Variants in PCDH11X observed in about 807,000 individuals in gnomAD.
The protein encoded by PCDH11X is protocadherin 11 X-linked.
Under a neutral mutation model 53.3 loss-of-function variants are expected in PCDH11X, and 18 were observed. The observed-to-expected ratio is 0.34, with a 90% confidence interval of 0.23 to 0.50. The LOEUF (loss-of-function observed/expected upper bound fraction) is 0.50. Among genes scored for constraint, PCDH11X ranks in the 20% least tolerant of loss-of-function variants. The pLI, the probability that PCDH11X is intolerant of heterozygous loss-of-function variation, is 0.98. For missense variants in PCDH11X, 570 were observed against 1,032.4 expected, an observed-to-expected ratio of 0.55 and a Z score of 6.14; for synonymous variants, 279 against 393.3, an observed-to-expected ratio of 0.71 and a Z score of 3.44.
chrX:92,167,719 A>G (rs1265160923), intron 6 of PCDH11X, among the ~76,000 whole-genome samples: 1 of 111,597 alleles, frequency 9.0e-6, no homozygotes, highest in Non-Finnish European at 1.9e-5. Context: ...CTGGCCATGA[A>G]TTTTCTTCTT....
intron 6 of PCDH11X, among the ~76,000 whole-genome samples, chrX:92,116,287 T>C (rs1472875222): frequency 4.1e-4 from 46 of 112,265 alleles, no homozygotes; most frequent in Non-Finnish European, 7.3e-4. Flanking sequence ...ATAATATTTA[T>C]TTAATTCAAA....
chrX:92,258,647 G>A (rs919347910), intron 7 of PCDH11X, among the ~76,000 whole-genome samples: 2 of 111,787 alleles, frequency 1.8e-5, no homozygotes, highest in Non-Finnish European at 3.8e-5. Flanking sequence ...GATTACAGGC[G>A]TGAGCCACTG....
chrX:91,996,023 A>T (rs1400193159), intron 6 of PCDH11X, among the ~76,000 whole-genome samples: 1 of 103,097 alleles, frequency 9.7e-6, no homozygotes, highest in Non-Finnish European at 2.0e-5. Flanking sequence ...TGTATTTTTT[A>T]GTAGAGACGG....
chrX:92,104,883 C>T (rs1602934699), intron 6 of PCDH11X, among the ~76,000 whole-genome samples: 2 of 109,987 alleles, frequency 1.8e-5, no homozygotes, highest in African/African-American at 6.6e-5. Context: ...TGGAAATAAG[C>T]GATTGGGGGG....
At chrX:91,987,736 T>G (rs936770215) in intron 6 of PCDH11X, among the ~76,000 whole-genome samples, 3 of 110,835 alleles carry the variant, frequency 2.7e-5, no homozygotes, top group Non-Finnish European at 5.7e-5. Flanking sequence ...ACAAAATGTT[T>G]GAAACAAGTA....
At chrX:92,326,049 C>T (rs2069322444) in intron 8 of PCDH11X, among the ~76,000 whole-genome samples, 1 of 112,011 alleles carries the variant, frequency 8.9e-6, no homozygotes, top group Non-Finnish European at 1.9e-5. Flanking sequence ...CACTCTAAAA[C>T]TTAGTGGTTT....
chrX:92,168,472 T>C (rs763923902), intron 6 of PCDH11X, among the ~76,000 whole-genome samples: 79 of 109,218 alleles, frequency 7.2e-4, no homozygotes, highest in African/African-American at 2.6e-3. Flanking sequence ...GTGGAAGAAT[T>C]AATGAAGCCC....
At chrX:92,061,531 C>T (rs2063524343) in intron 6 of PCDH11X, among the ~76,000 whole-genome samples, 1 of 107,214 alleles carries the variant, frequency 9.3e-6, no homozygotes, top group South Asian at 3.9e-4. Flanking sequence ...GGGTCCAGTT[C>T]CGGCACCATT....
chrX:91,837,121 C>T (rs937626133), intron 5 of PCDH11X, among the ~76,000 whole-genome samples: 2 of 106,369 alleles, frequency 1.9e-5, no homozygotes, highest in African/African-American at 6.9e-5. Context: ...TATATATCAT[C>T]TGAAGGTTTT....
chrX:92,477,776 C>T (rs756052914), intron 10 of PCDH11X, among the ~76,000 whole-genome samples: 3 of 105,241 alleles, frequency 2.9e-5, no homozygotes, highest in African/African-American at 1.0e-4. Context: ...TATTGCTGGT[C>T]ATTAATCTTC....
At chrX:92,208,541 T>A (rs1394093676) in intron 7 of PCDH11X, among the ~76,000 whole-genome samples, 17 of 22,625 alleles carry the variant, frequency 7.5e-4, no homozygotes, top group Non-Finnish European at 1.0e-3. Flanking sequence ...ATATATACAA[T>A]TTTTTTTAAA....
chrX:92,568,986 C>A (rs1330076516), intron 10 of PCDH11X, among the ~76,000 whole-genome samples: 1 of 111,709 alleles, frequency 9.0e-6, no homozygotes, highest in Non-Finnish European at 1.9e-5. Context: ...GATAATGGAA[C>A]CTTTCCCTCA....
chrX:92,409,650 C>G (rs1397718715), intron 9 of PCDH11X, among the ~76,000 whole-genome samples: 4 of 111,851 alleles, frequency 3.6e-5, no homozygotes, highest in African/African-American at 1.3e-4. Flanking sequence ...CAATTTCAAA[C>G]CTTGTGGTTT....
At chrX:91,950,786 C>T (rs2524693) in intron 6 of PCDH11X, among the ~76,000 whole-genome samples, 4 of 109,573 alleles carry the variant, frequency 3.7e-5, no homozygotes, top group Admixed American at 9.8e-5. Context: ...GATCATTGTC[C>T]GCTTTGTTCC....
At chrX:92,048,352 G>A (rs1210694898) in intron 6 of PCDH11X, among the ~76,000 whole-genome samples, 2 of 109,723 alleles carry the variant, frequency 1.8e-5, no homozygotes, top group Admixed American at 9.9e-5. Flanking sequence ...ACTTTGAGAC[G>A]AAAGAACTTC....
chrX:92,316,199 A>C (rs1278418950), intron 8 of PCDH11X, among the ~76,000 whole-genome samples: 1 of 106,877 alleles, frequency 9.4e-6, no homozygotes, highest in African/African-American at 3.4e-5. Flanking sequence ...TGTAGGAGAA[A>C]GGCAAATAAA....
intron 1 of PCDH11X, among the ~76,000 whole-genome samples, chrX:91,800,210 G>A (rs1935885166): frequency 9.1e-6 from 1 of 109,741 alleles, no homozygotes; most frequent in South Asian, 3.9e-4. Context: ...TCTTCATAAA[G>A]TAAGTTGTTG....
chrX:92,451,197 C>T (rs186562717), intron 9 of PCDH11X, among the ~76,000 whole-genome samples: 11 of 111,156 alleles, frequency 9.9e-5, no homozygotes, highest in Non-Finnish European at 2.1e-4. Flanking sequence ...GACTGCTACA[C>T]GACAGCAACC....
At chrX:91,976,213 C>T (rs35390415) in intron 6 of PCDH11X, among the ~76,000 whole-genome samples, 5 of 111,192 alleles carry the variant, frequency 4.5e-5, no homozygotes, top group East Asian at 5.7e-4. Flanking sequence ...CCACCACACC[C>T]GGCTCATATT....
Sources: gnomAD v4.1 joint callset for allele counts (sites outside exome capture counted in the v4.1 genomes callset) on GRCh38, gnomAD v4.1.1 for gene constraint, MANE v1.5 for transcripts, NCBI Gene and HGNC (gene_info 2026-07-23, HGNC 2026-07-21) for gene names.